ARFGEF1: variants seen among roughly 807,000 people sequenced by gnomAD.
The protein encoded by ARFGEF1 is brefeldin A-inhibited guanine nucleotide-exchange protein 1.
A neutral mutation model predicts 231.0 loss-of-function variants in ARFGEF1; 42 were observed. That is an observed-to-expected ratio of 0.18 (90% confidence interval 0.14 to 0.24). The LOEUF (loss-of-function observed/expected upper bound fraction) is 0.24. Ranked by LOEUF, ARFGEF1 falls within the 10% of genes least tolerant of loss-of-function variation. The pLI is 1.00. For synonymous variants in ARFGEF1, 710 were observed against 732.3 expected, an observed-to-expected ratio of 0.97 and a Z score of 0.49; for missense variants, 1,345 against 2,192.0, an observed-to-expected ratio of 0.61 and a Z score of 7.72.
intron 29 of ARFGEF1, among the ~76,000 whole-genome samples, chr8:67,222,426 C>T (rs561398288): frequency 1.9e-4 from 28 of 150,818 alleles, no homozygotes; most frequent in African/African-American, 6.3e-4. Context: ...CCACCACACC[C>T]GGCTAATTTT....
intron 1 of ARFGEF1, among the ~76,000 whole-genome samples, chr8:67,335,217 T>C (rs1221491681): frequency 6.6e-6 from 1 of 150,626 alleles, no homozygotes; most frequent in African/African-American, 2.4e-5. Context: ...ACCATTCTCC[T>C]GCCTCAGCCT....
intron 22 of ARFGEF1, among the ~76,000 whole-genome samples, chr8:67,236,611 G>A (rs1027150922): frequency 2.6e-5 from 4 of 151,840 alleles, no homozygotes; most frequent in African/African-American, 7.2e-5. Flanking sequence ...TGCCCAACAG[G>A]GGCCAAGTCC....
At chr8:67,210,784 G>A (rs966139332) in intron 34 of ARFGEF1, among the ~76,000 whole-genome samples, 15 of 152,202 alleles carry the variant, frequency 9.9e-5, no homozygotes, top group Admixed American at 2.0e-4. Context: ...GCCAGGCGCA[G>A]TGGCTCACGC....
chr8:67,228,532 C>T (rs1489281371), intron 23 of ARFGEF1, among the ~76,000 whole-genome samples: 1 of 151,884 alleles, frequency 6.6e-6, no homozygotes, highest in Non-Finnish European at 1.5e-5. Flanking sequence ...ATCAGATTTA[C>T]AAACCCCGGA....
chr8:67,252,045 G>A (rs540324696), intron 18 of ARFGEF1, among the ~76,000 whole-genome samples: 4 of 152,036 alleles, frequency 2.6e-5, no homozygotes, highest in Non-Finnish European at 5.9e-5. Flanking sequence ...CAAGGCAGGC[G>A]GATCACCTGA....
At chr8:67,209,985 T>G (rs1197123775) in intron 34 of ARFGEF1, among the ~76,000 whole-genome samples, 1 of 151,712 alleles carries the variant, frequency 6.6e-6, no homozygotes, top group Non-Finnish European at 1.5e-5. Context: ...ACCCGGTCTC[T>G]ACTAAAGAAT....
chr8:67,296,398 T>C, intron 5 of ARFGEF1, 33 bp downstream of exon 5: 8 of 1,602,504 alleles, frequency 5.0e-6, no homozygotes, highest in Non-Finnish European at 6.8e-6. Flanking sequence ...CCTGTTGTGT[T>C]CTATACAACC....
chr8:67,195,244 C>A, downstream of ARFGEF1: 2 of 716,184 alleles, frequency 2.8e-6, no homozygotes, highest in Admixed American at 2.0e-5. Flanking sequence ...CTAACCAAAA[C>A]AAACAAACAG....
At chr8:67,240,522 A>C (rs140028599) in intron 19 of ARFGEF1, among the ~76,000 whole-genome samples, 1 of 152,330 alleles carries the variant, frequency 6.6e-6, no homozygotes, top group African/African-American at 2.4e-5. Context: ...TAAGAACTGT[A>C]CCTATAAATT....
chr8:67,298,346 T>A (rs184884272), intron 4 of ARFGEF1, among the ~76,000 whole-genome samples: 2 of 152,252 alleles, frequency 1.3e-5, no homozygotes, highest in South Asian at 4.1e-4. Flanking sequence ...AATGAAAACA[T>A]TACTAATTTT....
At chr8:67,252,580 G>C (rs1410271096) in intron 18 of ARFGEF1, among the ~76,000 whole-genome samples, 1 of 152,098 alleles carries the variant, frequency 6.6e-6, no homozygotes, top group Non-Finnish European at 1.5e-5. Context: ...TTAGTTCCAA[G>C]TGGAAGGGCT....
intron 5 of ARFGEF1, among the ~76,000 whole-genome samples, chr8:67,178,764 A>G (rs1468224797): frequency 2.6e-5 from 4 of 152,206 alleles, no homozygotes; most frequent in Non-Finnish European, 1.5e-5. Context: ...TGGGAGAGCC[A>G]TGAGCAAGGG....
intron 29 of ARFGEF1, among the ~76,000 whole-genome samples, chr8:67,223,707 A>C (rs1217663378): frequency 6.6e-6 from 1 of 152,196 alleles, no homozygotes; most frequent in African/African-American, 2.4e-5. Flanking sequence ...AGGCTAAGAA[A>C]GCAGGTGGAT....
At chr8:67,281,241 C>T (rs1424388032) in intron 7 of ARFGEF1, among the ~76,000 whole-genome samples, 2 of 151,892 alleles carry the variant, frequency 1.3e-5, no homozygotes, top group Admixed American at 6.6e-5. Flanking sequence ...CTAGAATATT[C>T]AACATCTGTA....
chr8:67,290,402 T>C (rs772627017), intron 6 of ARFGEF1, among the ~76,000 whole-genome samples: 3 of 152,172 alleles, frequency 2.0e-5, no homozygotes, highest in Non-Finnish European at 2.9e-5. Context: ...CCCCTATCTA[T>C]CAAGATTCAA....
chr8:67,207,031 C>T (rs1320941802), intron 34 of ARFGEF1: 2 of 152,114 alleles, frequency 1.3e-5, no homozygotes, highest in African/African-American at 4.8e-5. Context: ...TTCATAAATG[C>T]TATTCTATTT....
intron 34 of ARFGEF1, among the ~76,000 whole-genome samples, chr8:67,207,560 T>C (rs957529239): frequency 6.6e-6 from 1 of 152,210 alleles, no homozygotes; most frequent in Non-Finnish European, 1.5e-5. Flanking sequence ...AGGGTTATAT[T>C]AGTCAACCAT....
intron 5 of ARFGEF1, among the ~76,000 whole-genome samples, chr8:67,183,843 A>ATTTTTT (rs918103972): frequency 1.8e-5 from 2 of 108,182 alleles, no homozygotes; most frequent in East Asian, 2.4e-4. Context: ...AAAATTGGGA[A>ATTTTTT]TTTTTTTTTT....
rs781085246 is a variant in ARFGEF1 at position 67,281,948 on chromosome 8, TGGA to T, written c.1028-4494_1028-4492del. Reference sequence around the variant, plus strand: ...TGACTAAATGAACTTTTTATGTTTCTGGAGGAGAAGACTCGATACTGTTGCAAA... The same window carrying T: ...TGACTAAATGAACTTTTTATGTTTCTGGAGAAGACTCGATACTGTTGCAAA... On this transcript the variant is annotated intron_variant, in intron 7 of 38. Coordinates refer to ENST00000262215, the MANE Select transcript of ARFGEF1 (RefSeq NM_006421.5). Among the ~76,000 whole-genome samples the T allele has an allele frequency of 4.6e-5, 7 of 152,276 alleles. No individual in the cohort carries two copies. In the East Asian group the frequency reaches 5.8e-4, roughly 13 times the overall value.
Sources: allele counts gnomAD v4.1 joint callset (sites outside exome capture counted in the v4.1 genomes callset), GRCh38; gene constraint gnomAD v4.1.1; transcripts MANE v1.5; gene names NCBI Gene and HGNC (gene_info 2026-07-23, HGNC 2026-07-21).